XKR4: variants seen among roughly 807,000 people sequenced by gnomAD.
XKR4 encodes the protein XK related 4, also known as XK-related protein 4.
Under a neutral mutation model 53.9 loss-of-function variants are expected in XKR4, and 12 were observed. The ratio of observed to expected loss-of-function variants is 0.22; its 90% CI spans 0.14 to 0.36. The LOEUF (loss-of-function observed/expected upper bound fraction) is 0.36, where lower values mean the gene tolerates loss of function less well. Among genes scored for constraint, XKR4 ranks in the 10% least tolerant of loss-of-function variants. The pLI, the probability that XKR4 is intolerant of heterozygous loss-of-function variation, is 1.00. For missense variants in XKR4, 799 were observed against 859.5 expected, an observed-to-expected ratio of 0.93 and a Z score of 0.88; for synonymous variants, 354 against 362.4, an observed-to-expected ratio of 0.98 and a Z score of 0.26.
At chr8:55,341,527 C>G (rs1283111461) in intron 1 of XKR4, among the ~76,000 whole-genome samples, 1 of 152,280 alleles carries the variant, frequency 6.6e-6, no homozygotes, top group Admixed American at 6.5e-5. Context: ...TTCCTTCTGT[C>G]CCTTTCCAGT....
intron 2 of XKR4, among the ~76,000 whole-genome samples, chr8:55,483,922 C>T (rs1806154122): frequency 6.6e-6 from 1 of 151,838 alleles, no homozygotes; most frequent in Non-Finnish European, 1.5e-5. Context: ...TTGAAAAGAT[C>T]AATAAAATTG....
intron 2 of XKR4, among the ~76,000 whole-genome samples, chr8:55,464,176 AAG>A (rs1240216761): frequency 2.6e-5 from 4 of 152,196 alleles, no homozygotes; most frequent in Non-Finnish European, 4.4e-5. Context: ...ACAACAAAAA[AAG>A]AGAATTTTAG....
At chr8:55,259,139 A>C (rs1431399102) in intron 1 of XKR4, among the ~76,000 whole-genome samples, 1 of 152,208 alleles carries the variant, frequency 6.6e-6, no homozygotes, top group Non-Finnish European at 1.5e-5. Flanking sequence ...CTGGCCAAGC[A>C]CTGCTGCACT....
At position 55,540,299 on chromosome 8, in the gene XKR4, A is replaced by G. The variant is rs779949999; in HGVS notation, c.*16072A>G. ...ATTCCATGAACAAGTGATAGAAAAC[A>G]TATGGAAATTCTCTTTTGATCAAAA... On this transcript the variant is annotated 3_prime_UTR_variant, in exon 3 of 3. Transcript: ENST00000327381. 3 of 152,238 alleles carry G rather than the reference A, an allele frequency of 2.0e-5. No individual in the cohort carries two copies. The highest frequency in any genetic ancestry group is 7.2e-5 in the African/African-American group (3 of 41,472). The allele number at this position is 152,238 out of a possible 1,614,324, so 9.4% of individuals were successfully genotyped here.
intron 2 of XKR4, among the ~76,000 whole-genome samples, chr8:55,423,999 A>G (rs779168973): frequency 1.2e-4 from 19 of 152,228 alleles, no homozygotes; most frequent in Non-Finnish European, 2.6e-4. Flanking sequence ...CATTATCAAG[A>G]GCATCCCCAC....
chr8:55,198,326 C>A (rs1358793884), intron 1 of XKR4, among the ~76,000 whole-genome samples: 1 of 152,106 alleles, frequency 6.6e-6, no homozygotes, highest in Non-Finnish European at 1.5e-5. Flanking sequence ...TAAAACATAC[C>A]TTCCTGAATG....
At chr8:55,388,167 C>T (rs1804352527) in intron 2 of XKR4, among the ~76,000 whole-genome samples, 1 of 152,152 alleles carries the variant, frequency 6.6e-6, no homozygotes. Flanking sequence ...CCAGGGCAGC[C>T]TAAACATTTA....
intron 2 of XKR4, among the ~76,000 whole-genome samples, chr8:55,457,677 T>A (rs1412547128): frequency 6.6e-6 from 1 of 152,074 alleles, no homozygotes; most frequent in Non-Finnish European, 1.5e-5. Context: ...CGGGGAGAAA[T>A]GAAGAGCACT....
intron 2 of XKR4, among the ~76,000 whole-genome samples, chr8:55,411,155 G>A (rs1387601120): frequency 2.0e-5 from 3 of 152,160 alleles, no homozygotes; most frequent in African/African-American, 4.8e-5. Flanking sequence ...GTGAATGGTG[G>A]TTTAGGAGGC....
chr8:55,125,685 G>A lies in XKR4; in HGVS notation c.806+22391G>A, dbSNP rs7001106. ...TAAACACAAAAGCCTATTTTCCCTA[G>A]CATCAAATTTCTTACCAATTAATAA... On this transcript the variant is annotated intron_variant, in intron 1 of 2. Coordinates refer to ENST00000327381, the MANE Select transcript of XKR4 (RefSeq NM_052898.2). Among the ~76,000 whole-genome samples, 1,219 of 151,930 alleles carry A rather than the reference G, an allele frequency of 8.0e-3. 17 individuals are homozygous for A. Among genetic ancestry groups the A allele is most frequent in the African/African-American group, 0.028 (1,168 of 41,384 alleles).
chr8:55,137,050 C>T (rs139346906), intron 1 of XKR4, among the ~76,000 whole-genome samples: 31 of 152,272 alleles, frequency 2.0e-4, no homozygotes, highest in African/African-American at 7.2e-4. Flanking sequence ...TAATGTTAGA[C>T]ATTTCTGAAA....
intron 2 of XKR4, among the ~76,000 whole-genome samples, chr8:55,492,784 CCTGCAT>C (rs1806290075): frequency 6.6e-6 from 1 of 152,174 alleles, no homozygotes; most frequent in Non-Finnish European, 1.5e-5. Context: ...TCCATGGAAT[CCTGCAT>C]TTTTTTCAGT....
At chr8:55,164,880 T>C (rs1225859004) in intron 1 of XKR4, among the ~76,000 whole-genome samples, 3 of 152,124 alleles carry the variant, frequency 2.0e-5, no homozygotes, top group African/African-American at 7.2e-5. Flanking sequence ...ATGCTGTGCT[T>C]TGAAATTCCT....
chr8:55,336,056 A>G (rs563468869), intron 1 of XKR4, among the ~76,000 whole-genome samples: 13 of 151,258 alleles, frequency 8.6e-5, no homozygotes, highest in African/African-American at 2.9e-4. Flanking sequence ...AAAAAAAAAA[A>G]AAAGAAAAGA....
At chr8:55,431,824 A>G (rs868467785) in intron 2 of XKR4, among the ~76,000 whole-genome samples, 7 of 152,228 alleles carry the variant, frequency 4.6e-5, no homozygotes, top group South Asian at 2.1e-4. Context: ...ATTCACCCTT[A>G]TCAGATAAGA....
chr8:55,450,633 A>C, intron 2 of XKR4: 1 of 647,002 alleles, frequency 1.5e-6, no homozygotes, highest in South Asian at 1.5e-5. Flanking sequence ...TGGTGTAGGC[A>C]GTCCAAGAAC....
rs1168014848 is a variant in XKR4 at position 55,187,305 on chromosome 8, CAAAAAAA to C, written c.806+84025_806+84031del. Among the ~76,000 whole-genome samples the C allele has an allele frequency of 1.6e-4, 15 of 95,848 alleles. 1 individual carries two copies. The highest frequency in any genetic ancestry group is 1.6e-3 in the Admixed American group (13 of 8,336). 62.9% of individuals were successfully genotyped at this position (95,848 alleles called of 152,430 possible). Reference sequence around the variant, plus strand: ...GTGGGAAAATCTCTGTTTCCAGGACCAAAAAAAAAAAAAAAAAAAAGAAGAAGAATAC... The same window carrying C: ...GTGGGAAAATCTCTGTTTCCAGGACCAAAAAAAAAAAAAGAAGAAGAATAC... On this transcript the variant is annotated intron_variant, in intron 1 of 2. Coordinates refer to ENST00000327381, the MANE Select transcript of XKR4 (RefSeq NM_052898.2).
intron 2 of XKR4, among the ~76,000 whole-genome samples, chr8:55,514,622 G>A (rs138708828): frequency 7.2e-5 from 11 of 152,120 alleles, no homozygotes; most frequent in South Asian, 2.1e-4. Context: ...GTCTCCATCC[G>A]TGTTTCCCTC....
At chr8:55,248,338 A>T (rs1207079001) in intron 1 of XKR4, among the ~76,000 whole-genome samples, 1 of 152,304 alleles carries the variant, frequency 6.6e-6, no homozygotes, top group South Asian at 2.1e-4. Flanking sequence ...AAGTGCATTC[A>T]TCCTCTGTTC....
Sources: gnomAD v4.1 joint callset for allele counts (sites outside exome capture counted in the v4.1 genomes callset) on GRCh38, gnomAD v4.1.1 for gene constraint, MANE v1.5 for transcripts, NCBI Gene and HGNC (gene_info 2026-07-23, HGNC 2026-07-21) for gene names.